The following ABCC6 variants were observed in gnomAD, a reference collection of about 807,000 sequenced individuals.
The protein encoded by ABCC6 is ATP binding cassette subfamily C member 6.
Under a neutral mutation model 169.5 loss-of-function variants are expected in ABCC6, and 126 were observed. That is an observed-to-expected ratio of 0.74 (90% CI 0.64 to 0.86). The LOEUF (loss-of-function observed/expected upper bound fraction) is 0.86, where lower values mean the gene tolerates loss of function less well. ABCC6 is among the 40% of genes least tolerant of loss of function. The pLI, the probability that ABCC6 is intolerant of heterozygous loss-of-function variation, is 0.00. For synonymous variants in ABCC6, 752 were observed against 814.7 expected (o/e 0.92, Z 1.31); for missense variants, 1,733 against 1,927.2 (o/e 0.90, Z 1.89).
intron 11 of ABCC6, among the ~76,000 whole-genome samples, 157 bp downstream of exon 11, chr16:16,192,673 G>T (rs1352752036): frequency 6.6e-6 from 1 of 152,088 alleles, no homozygotes; most frequent in Non-Finnish European, 1.5e-5. Context: ...GATAGGGGGA[G>T]GGGGTGCAGG....
intron 7 of ABCC6, among the ~76,000 whole-genome samples, chr16:16,203,887 C>T (rs2048318832): frequency 6.6e-6 from 1 of 152,022 alleles, no homozygotes; most frequent in Non-Finnish European, 1.5e-5. Context: ...CAGGCACTCC[C>T]CAGTCATCCT....
intron 10 of ABCC6, among the ~76,000 whole-genome samples, chr16:16,196,487 G>A (rs1018659414): frequency 6.6e-6 from 1 of 152,108 alleles, no homozygotes. Context: ...TTGTGTGCCC[G>A]GCACCCTTTT....
Position 16,177,452 on chromosome 16 carries a change from C to G in ABCC6, c.2590G>C (p.Glu864Gln). Residue 864 changes from glutamate to glutamine, a missense_variant and splice_region_variant, in exon 19 of 31, where the codon GAA becomes CAA. Glu to Gln is a conservative substitution (Grantham distance 29, BLOSUM62 2). Coordinates refer to ENST00000205557, the MANE Select transcript of ABCC6 (RefSeq NM_001171.6). ...AGAATCAGCAAAGCCCACCTAGTAC[C>G]TCCTTCTCCTCTATCTCCTGGCTGT... ...ARQPGDRGEG[E>Q]TEPGTSTKDP... The G allele has an allele frequency of 1.2e-6, 2 of 1,614,126 alleles. No homozygotes were observed. The highest frequency in any genetic ancestry group is 1.7e-6 in the Non-Finnish European group (2 of 1,180,052).
intron 4 of ABCC6, among the ~76,000 whole-genome samples, chr16:16,217,856 G>A (rs1298606064): frequency 2.0e-5 from 3 of 152,242 alleles, no homozygotes; most frequent in Non-Finnish European, 4.4e-5. Context: ...TTGGGAGGCC[G>A]AGGCGGGTGA....
At position 16,169,726 on chromosome 16, in the gene ABCC6, G is replaced by C; in HGVS notation, c.2915C>G (p.Ala972Gly). The change falls in exon 22 of 31, where the codon GCG (alanine) becomes GGG (glycine). Residue 972 changes from alanine (A) to glycine (G), a missense_variant. Ala to Gly is a moderately conservative substitution (Grantham distance 60, BLOSUM62 0). This residue lies in a region of ABCC6 where 1,601 missense variants were observed against 1,635.5 expected (regional missense o/e 0.98). Coordinates refer to ENST00000205557, the MANE Select transcript of ABCC6 (RefSeq NM_001171.6). ...CTGCCCACCTACTGCAGGGTCGTCC[G>C]CCCACAGGCTCAGCCAGTAGCCCCG... Reference protein sequence around the residue: ...FCRGYWLSLWADDPAVGGQQT... With the variant: ...FCRGYWLSLWGDDPAVGGQQT... The C allele has an allele frequency of 6.2e-7, 1 of 1,609,678 alleles. No homozygotes were observed. The highest frequency in any genetic ancestry group is 8.5e-7 in the Non-Finnish European group (1 of 1,178,728).
At chr16:16,173,149 C>A (rs1165892730) in intron 21 of ABCC6, 135 bp downstream of exon 21, 4 of 1,189,528 alleles carry the variant, frequency 3.4e-6, no homozygotes, top group African/African-American at 3.0e-5. Context: ...AAATGAACAT[C>A]TAGAATGCTA....
In ABCC6 at chr16:16,186,552, C is replaced by T. The variant is rs546922681; in HGVS notation, c.1867+572G>A. ...CAATAGATTCTCAAAGGAGCACGAACACTTGTGAACTGTGCATGTGAGGAA... is the reference window on the plus strand; with the variant it reads ...CAATAGATTCTCAAAGGAGCACGAATACTTGTGAACTGTGCATGTGAGGAA... On this transcript the variant is annotated intron_variant, in intron 14 of 30. Transcript: ENST00000205557. Among the ~76,000 whole-genome samples, 278 of 151,372 alleles carry T rather than the reference C, an allele frequency of 1.8e-3. 1 individual carries two copies. The highest frequency in any genetic ancestry group is 3.4e-3 in the Non-Finnish European group (228 of 67,894).
At position 16,173,234 on chromosome 16, in the gene ABCC6, C is replaced by G. The variant is rs1205911899; in HGVS notation, c.2787+50G>C. On this transcript the variant is annotated intron_variant, in intron 21 of 30. Transcript: ENST00000205557. ...ACATTTGGTGGGAAGACTTGGGCCC[C>G]TGGAGGTGGCAGCAGTGGGTGGGGA... The G allele has an allele frequency of 3.3e-6, 5 of 1,524,356 alleles. No individual in the cohort carries two copies. In the East Asian group the frequency reaches 9.8e-5, roughly 30 times the overall value. The allele number at this position is 1,524,356 out of a possible 1,614,324, so 94.4% of individuals were successfully genotyped here.
intron 7 of ABCC6, among the ~76,000 whole-genome samples, chr16:16,208,391 G>T (rs1457589010): frequency 1.4e-5 from 2 of 145,810 alleles, no homozygotes; most frequent in South Asian, 2.2e-4. Flanking sequence ...TTTTTTTTTT[G>T]ATACGGAGTC....
chr16:16,190,182 G>T lies in ABCC6; in HGVS notation c.1617C>A (p.Phe539Leu), dbSNP rs2152269915. 3 of 1,613,890 alleles carry T rather than the reference G, an allele frequency of 1.9e-6. No homozygotes were observed. The highest frequency in any genetic ancestry group is 2.5e-6 in the Non-Finnish European group (3 of 1,180,008). ...ACGTCACCAGAAATGTAGACACTTG[G>T]AAGGACACCAGCGACACAGAGAAGA... ...GLLFSVSLVS[F>L]QVSTFLVALV... Residue 539 changes from phenylalanine (F) to leucine (L), a missense_variant, in exon 12 of 31, where the codon TTC (phenylalanine) becomes TTA (leucine). This residue lies in a region of ABCC6 where 1,601 missense variants were observed against 1,635.5 expected (regional missense o/e 0.98). Coordinates refer to ENST00000205557, the MANE Select transcript of ABCC6 (RefSeq NM_001171.6).
intron 4 of ABCC6, among the ~76,000 whole-genome samples, chr16:16,219,282 A>T (rs1026888408): frequency 4.0e-5 from 6 of 151,438 alleles, no homozygotes; most frequent in Non-Finnish European, 5.9e-5. Flanking sequence ...TGTGCGATGT[A>T]TGAATCAGTG....
At position 16,198,016 on chromosome 16, in the gene ABCC6, C is replaced by A. The variant is rs2048110204; in HGVS notation, c.1338+5G>T. ...TTCAAATCCCGTCTTCCTCCTCTGG[C>A]ATACCTGCCAGAGATAGACGAAGCA... On this transcript the variant is annotated splice_donor_5th_base_variant and intron_variant, in intron 10 of 30. Transcript: ENST00000205557. 6.2e-7 allele frequency: 1 copy of A among 1,613,958 alleles called. No homozygotes were observed. Among genetic ancestry groups the A allele is most frequent in the East Asian group, 2.2e-5 (1 of 44,870 alleles).
In ABCC6 at chr16:16,182,379, C is replaced by T. The variant is rs953949449; in HGVS notation, c.2247+33G>A. ...CCCAAATGACTCCCAACTGCAATGT[C>T]TCCCTGTCCCAAAAAGACCCCCAAA... On this transcript the variant is annotated intron_variant, in intron 17 of 30. Transcript: ENST00000205557. 5.0e-6 allele frequency: 8 copies of T among 1,612,554 alleles called. No individual in the cohort carries two copies. In the Admixed American group the frequency reaches 1.2e-4, roughly 24 times the overall value.
chr16:16,156,269 G>T (rs928808813), intron 27 of ABCC6, among the ~76,000 whole-genome samples: 1 of 152,190 alleles, frequency 6.6e-6, no homozygotes. Context: ...GGGAAGCAAG[G>T]CAGTGCTGCT....
At chr16:16,150,803 G>GC in intron 29 of ABCC6, 31 bp from the exon 30 acceptor site, 1 of 1,609,026 alleles carries the variant, frequency 6.2e-7, no homozygotes, top group African/African-American at 1.3e-5. Flanking sequence ...TAGCTGGGAC[G>GC]TGCGTTTGTC....
intron 2 of ABCC6, 66 bp downstream of exon 2, chr16:16,221,583 G>C: frequency 6.3e-7 from 1 of 1,580,132 alleles, no homozygotes; most frequent in African/African-American, 1.3e-5. Context: ...ACTTCACCAG[G>C]TTCCAGCCTG....
intron 22 of ABCC6, 35 bp downstream of exon 22, chr16:16,169,611 G>C: frequency 6.2e-7 from 1 of 1,607,250 alleles, no homozygotes; most frequent in East Asian, 2.2e-5. Context: ...GGTGCAGCTG[G>C]GAGGAGAGGG....
chr16:16,170,562 G>A (rs1052215142), intron 21 of ABCC6, among the ~76,000 whole-genome samples: 4 of 152,090 alleles, frequency 2.6e-5, no homozygotes, highest in African/African-American at 4.8e-5. Context: ...CAGCCAGACG[G>A]GACTGTTGAA....
chr16:16,198,225 G>C, intron 9 of ABCC6, 43 bp from the exon 10 acceptor site: 4 of 1,553,028 alleles, frequency 2.6e-6, no homozygotes, highest in Non-Finnish European at 3.5e-6. Flanking sequence ...GGGGAGGCCG[G>C]GGCAGAGGGA....
Sources: allele counts gnomAD v4.1 joint callset (sites outside exome capture counted in the v4.1 genomes callset), GRCh38; gene constraint gnomAD v4.1.1; regional missense constraint gnomAD v4.1.1; transcripts MANE v1.5; gene names NCBI Gene and HGNC (gene_info 2026-07-23, HGNC 2026-07-21).